PGGT1B: variants seen among roughly 807,000 people sequenced by gnomAD.
PGGT1B encodes geranylgeranyl transferase type-1 subunit beta.
A neutral mutation model predicts 46.1 loss-of-function variants in PGGT1B; 30 were observed. That is an observed-to-expected ratio of 0.65 (90% CI 0.49 to 0.88). The LOEUF is 0.88. Among genes scored for constraint, PGGT1B ranks in the 40% least tolerant of loss-of-function variants. The pLI is 0.00. For synonymous variants in PGGT1B, 170 were observed against 160.0 expected (o/e 1.06, Z -0.47); for missense variants, 376 against 455.9 (o/e 0.82, Z 1.60).
In PGGT1B at chr5:115,241,555, G is replaced by T; in HGVS notation, c.311C>A (p.Pro104Gln). The change falls in exon 3 of 9, where the codon CCG (proline) becomes CAG (glutamine). Residue 104 changes from proline (P) to glutamine (Q), a missense_variant. By Grantham distance (76) the Pro-to-Gln change is moderately conservative (BLOSUM62 -1). Coordinates refer to ENST00000419445, the MANE Select transcript of PGGT1B (RefSeq NM_005023.4). ...AGAACCAACCTTTGATGGATTGAAC[G>T]GAATACCCAGGTATGAAGAGCCTCG... ...GFRGSSYLGIPFNPSKAPGTA... is the reference protein window; with the variant it reads ...GFRGSSYLGIQFNPSKAPGTA... 6.2e-7 allele frequency: 1 copy of T among 1,605,238 alleles called. No individual in the cohort carries two copies. Among genetic ancestry groups the T allele is most frequent in the East Asian group, 2.3e-5 (1 of 44,322 alleles).
At chr5:115,222,558 A>G (rs148463612) in intron 6 of PGGT1B, among the ~76,000 whole-genome samples, 1 of 152,340 alleles carries the variant, frequency 6.6e-6, no homozygotes, top group Non-Finnish European at 1.5e-5. Flanking sequence ...ATTGTGGAAG[A>G]CAGTGTGGTG....
chr5:115,254,251 T>G (rs559917457), intron 1 of PGGT1B, among the ~76,000 whole-genome samples: 11 of 152,070 alleles, frequency 7.2e-5, no homozygotes, highest in Non-Finnish European at 1.2e-4. Flanking sequence ...GAGTATCCCT[T>G]ATCTGAAATG....
chr5:115,217,270 A>G (rs1756449114), intron 7 of PGGT1B, among the ~76,000 whole-genome samples: 1 of 151,944 alleles, frequency 6.6e-6, no homozygotes, highest in Non-Finnish European at 1.5e-5. Flanking sequence ...CAACATAATC[A>G]GTCATTTTAA....
chr5:115,217,077 G>A, intron 7 of PGGT1B, 104 bp from the exon 8 acceptor site: 1 of 651,464 alleles, frequency 1.5e-6, no homozygotes, highest in Non-Finnish European at 2.8e-6. Flanking sequence ...CTTTAGCTAA[G>A]GTGCTCAGAC....
chr5:115,222,861 C>T (rs756896116), intron 6 of PGGT1B, among the ~76,000 whole-genome samples: 3 of 152,108 alleles, frequency 2.0e-5, no homozygotes, highest in Non-Finnish European at 4.4e-5. Context: ...AGCAAACTAT[C>T]GCAAGGACAG....
At chr5:115,236,345 C>T (rs201190780) in intron 5 of PGGT1B, 45 bp downstream of exon 5, 22 of 1,507,408 alleles carry the variant, frequency 1.5e-5, no homozygotes, top group East Asian at 4.8e-5. Context: ...CCCTCATGTA[C>T]CAGCAAAAAC....
intron 6 of PGGT1B, among the ~76,000 whole-genome samples, chr5:115,227,872 G>A (rs1756839020): frequency 6.6e-6 from 1 of 152,152 alleles, no homozygotes; most frequent in Admixed American, 6.6e-5. Context: ...TGGGCAAACA[G>A]CAGCTGGTTA....
chr5:115,230,582 A>G (rs185695855), intron 6 of PGGT1B, among the ~76,000 whole-genome samples: 2 of 152,280 alleles, frequency 1.3e-5, no homozygotes, highest in Admixed American at 6.5e-5. Context: ...GTTAAGGAAA[A>G]TAAAAATGTT....
Position 115,209,660 on chromosome 5 carries a change from T to G in PGGT1B, c.*2742A>C, listed in dbSNP as rs924709233. 6.6e-5 allele frequency: 10 copies of G among 152,150 alleles called. No individual in the cohort carries two copies. The highest frequency in any genetic ancestry group is 2.4e-4 in the African/African-American group (10 of 41,448). The allele number at this position is 152,150 out of a possible 1,614,324, so 9.4% of individuals were successfully genotyped here. A position where few individuals can be genotyped will look rare whatever the true frequency, so the allele number is the denominator to read the frequency against. ...TTATGGGGAGATTAGAAAACAACAC[T>G]GTTGTCATCATTTTCCCTGAGGTTA... On this transcript the variant is annotated 3_prime_UTR_variant, in exon 9 of 9. Transcript: ENST00000419445.
Position 115,206,268 on chromosome 5 carries a change from A to T in PGGT1B, c.*6134T>A, listed in dbSNP as rs1246488781. 2.6e-5 allele frequency: 4 copies of T among 151,968 alleles called. No homozygotes were observed. Among genetic ancestry groups the T allele is most frequent in the Non-Finnish European group, 5.9e-5 (4 of 67,878 alleles). 9.4% of individuals were successfully genotyped at this position (151,968 alleles called of 1,614,324 possible). A position where few individuals can be genotyped will look rare whatever the true frequency, so the allele number is the denominator to read the frequency against. On this transcript the variant is annotated 3_prime_UTR_variant, in exon 9 of 9. Transcript: ENST00000419445. ...AAAGATGTATGCAACAGTGGTGTTT[A>T]CCTCCAGGAAGTATAGGCTGTGGGT...
In PGGT1B at chr5:115,241,543, G is replaced by T; in HGVS notation, c.323C>A (p.Ser108Ter). 6.3e-7 allele frequency: 1 copy of T among 1,599,320 alleles called. No homozygotes were observed. The highest frequency in any genetic ancestry group is 8.5e-7 in the Non-Finnish European group (1 of 1,170,928). Residue 108 changes from serine (S) to a stop codon, truncating the protein, a stop_gained, in exon 3 of 9, where the codon TCA becomes TAA. Coordinates refer to ENST00000419445, the MANE Select transcript of PGGT1B (RefSeq NM_005023.4). LOFTEE classifies it high-confidence loss of function. ...SSYLGIPFNP[S>*]KAPGTAHPYD... Reference sequence around the variant, plus strand: ...TCTGAACCAAATAGAACCAACCTTTGATGGATTGAACGGAATACCCAGGTA... The same window carrying T: ...TCTGAACCAAATAGAACCAACCTTTTATGGATTGAACGGAATACCCAGGTA...
intron 3 of PGGT1B, among the ~76,000 whole-genome samples, chr5:115,240,287 G>A (rs911135245): frequency 6.6e-6 from 1 of 152,098 alleles, no homozygotes; most frequent in African/African-American, 2.4e-5. Context: ...AAATGTTTTG[G>A]TGCAGGCGTT....
intron 7 of PGGT1B, among the ~76,000 whole-genome samples, chr5:115,220,279 T>C (rs2126993367): frequency 6.6e-6 from 1 of 151,954 alleles, no homozygotes; most frequent in South Asian, 2.1e-4. Flanking sequence ...CATTAAAAAA[T>C]TAAATTTTGA....
In PGGT1B at chr5:115,238,003, C is replaced by T; in HGVS notation, c.334G>A (p.Gly112Arg). The T allele has an allele frequency of 1.3e-6, 2 of 1,593,878 alleles. No individual in the cohort carries two copies. The highest frequency in any genetic ancestry group is 8.5e-7 in the Non-Finnish European group (1 of 1,172,310). ...GIPFNPSKAP[G>R]TAHPYDSGHI... The stretch of plus-strand genomic sequence containing the variant: ...CCACTATCATAAGGATGAGCTGTTC[C>T]AGGAGCCTAAATACAAAATTAATAT... Residue 112 changes from glycine to arginine, a missense_variant, in exon 4 of 9, where the codon GGA becomes AGA. This residue lies in a region of PGGT1B where 154 missense variants were observed against 142.3 expected (regional missense o/e 1.08). Transcript: ENST00000419445.
At chr5:115,223,048 C>A (rs1490508579) in intron 6 of PGGT1B, among the ~76,000 whole-genome samples, 1 of 151,632 alleles carries the variant, frequency 6.6e-6, no homozygotes, top group Non-Finnish European at 1.5e-5. Context: ...AGCACACCAA[C>A]ATGGCACATG....
At chr5:115,229,158 C>A (rs1203423164) in intron 6 of PGGT1B, among the ~76,000 whole-genome samples, 3 of 152,006 alleles carry the variant, frequency 2.0e-5, no homozygotes, top group Non-Finnish European at 4.4e-5. Flanking sequence ...CCTATCTAAC[C>A]TCATAGCACA....
At chr5:115,247,882 A>G (rs184809623) in intron 2 of PGGT1B, among the ~76,000 whole-genome samples, 1 of 152,330 alleles carries the variant, frequency 6.6e-6, no homozygotes, top group East Asian at 1.9e-4. Flanking sequence ...TCTACCAGAC[A>G]TCTGACCTGG....
intron 8 of PGGT1B, among the ~76,000 whole-genome samples, chr5:115,216,464 A>G (rs939803262): frequency 6.6e-6 from 1 of 152,162 alleles, no homozygotes; most frequent in Non-Finnish European, 1.5e-5. Flanking sequence ...TGAAAAGAGT[A>G]AGAACTGATT....
rs546517477 is a variant in PGGT1B at position 115,211,726 on chromosome 5, A to G, written c.*676T>C. 24 of 152,166 alleles carry G rather than the reference A, an allele frequency of 1.6e-4. No homozygotes were observed. The highest frequency in any genetic ancestry group is 5.5e-4 in the African/African-American group (23 of 41,542). 9.4% of individuals were successfully genotyped at this position (152,166 alleles called of 1,614,324 possible). A position where few individuals can be genotyped will look rare whatever the true frequency, so the allele number is the denominator to read the frequency against. On this transcript the variant is annotated 3_prime_UTR_variant, in exon 9 of 9. Transcript: ENST00000419445. ...ACAAAACTTTCTCATTCACAATCAC[A>G]TACAGTTAAGTTGCTTTTCCCTCAG... is the stretch of plus-strand genomic sequence containing the variant.
Sources: gnomAD v4.1 joint callset for allele counts (sites outside exome capture counted in the v4.1 genomes callset) on GRCh38, gnomAD v4.1.1 for gene constraint, gnomAD v4.1.1 regional missense constraint, MANE v1.5 for transcripts, NCBI Gene and HGNC (gene_info 2026-07-23, HGNC 2026-07-21) for gene names.